The following SARNP variants were observed in gnomAD, a reference collection of about 807,000 sequenced individuals.
The protein encoded by SARNP is SAP domain containing ribonucleoprotein.
A neutral mutation model predicts 38.1 loss-of-function variants in SARNP; 5 were observed. That is an observed-to-expected ratio of 0.13 (90% CI 0.07 to 0.28). The LOEUF is 0.28. Among genes scored for constraint, SARNP ranks in the 10% least tolerant of loss-of-function variants. The pLI, the probability that SARNP is intolerant of heterozygous loss-of-function variation, is 1.00. For missense variants in SARNP, 180 were observed against 243.9 expected (o/e 0.74, Z 1.75); for synonymous variants, 84 against 80.6 (o/e 1.04, Z -0.23).
chr12:55,770,559 T>C (rs1878977669), intron 9 of SARNP, among the ~76,000 whole-genome samples: 1 of 152,022 alleles, frequency 6.6e-6, no homozygotes, highest in Non-Finnish European at 1.5e-5. Flanking sequence ...AATTTTAAAT[T>C]AAGGGTTCTT....
At chr12:55,793,819 G>C (rs1363480410) in intron 7 of SARNP, 1 of 152,518 alleles carries the variant, frequency 6.6e-6, no homozygotes, top group African/African-American at 2.4e-5. Flanking sequence ...TATTATTTCA[G>C]CACAGTAGTC....
chr12:55,774,357 G>A (rs556823963), intron 9 of SARNP, among the ~76,000 whole-genome samples: 2 of 151,754 alleles, frequency 1.3e-5, no homozygotes, highest in South Asian at 2.1e-4. Context: ...GCATGGGTAC[G>A]ATATGCAAAT....
chr12:55,769,752 A>G (rs987837724), intron 9 of SARNP, among the ~76,000 whole-genome samples: 1 of 152,252 alleles, frequency 6.6e-6, no homozygotes, highest in Non-Finnish European at 1.5e-5. Flanking sequence ...CACTCTGTTC[A>G]CTTTCGGTAT....
chr12:55,763,967 G>C (rs897631732), intron 9 of SARNP, among the ~76,000 whole-genome samples: 2 of 152,156 alleles, frequency 1.3e-5, no homozygotes, highest in Non-Finnish European at 2.9e-5. Flanking sequence ...TGGAAGAACA[G>C]TAGGACAATT....
intron 5 of SARNP, among the ~76,000 whole-genome samples, chr12:55,795,521 C>T (rs1879795587): frequency 6.6e-6 from 1 of 152,106 alleles, no homozygotes; most frequent in African/African-American, 2.4e-5. Context: ...AGCTTGGTTC[C>T]AACACCAATG....
At chr12:55,816,251 T>G (rs1880480500) in intron 1 of SARNP, among the ~76,000 whole-genome samples, 1 of 152,222 alleles carries the variant, frequency 6.6e-6, no homozygotes, top group African/African-American at 2.4e-5. Flanking sequence ...TATAGTTCCT[T>G]TTTATCTCAT....
intron 9 of SARNP, among the ~76,000 whole-genome samples, chr12:55,783,926 T>TA: frequency 6.6e-6 from 1 of 151,572 alleles, no homozygotes; most frequent in East Asian, 1.9e-4. Context: ...ATCCTATCTC[T>TA]AAAAAAAAGA....
intron 9 of SARNP, among the ~76,000 whole-genome samples, chr12:55,762,357 G>T: frequency 6.6e-6 from 1 of 150,546 alleles, no homozygotes; most frequent in African/African-American, 2.5e-5. Flanking sequence ...CCAGGCTGGA[G>T]TGCAGTGGCA....
chr12:55,787,183 G>C lies in SARNP; in HGVS notation c.501+1892C>G, dbSNP rs528315101. Among the ~76,000 whole-genome samples the C allele has an allele frequency of 2.0e-5, 3 of 148,570 alleles. No individual in the cohort carries two copies. The South Asian group carries it at 6.3e-4, about 31-fold the overall frequency. On this transcript the variant is annotated intron_variant, in intron 9 of 10. Coordinates refer to ENST00000336133, the MANE Select transcript of SARNP (RefSeq NM_033082.4). ...GGAAATGGAGGCTGCAATGAGCTGT[G>C]ATCATGCTACTGCTCTGCAGCCTGG...
At chr12:55,810,775 T>A (rs1023563760) in intron 1 of SARNP, among the ~76,000 whole-genome samples, 9 of 151,164 alleles carry the variant, frequency 6.0e-5, no homozygotes, top group Admixed American at 2.6e-4. Context: ...AAATATTTTA[T>A]CAGAAATCTT....
intron 9 of SARNP, among the ~76,000 whole-genome samples, chr12:55,777,165 A>T (rs1020988056): frequency 4.8e-4 from 73 of 152,216 alleles, no homozygotes; most frequent in African/African-American, 1.5e-3. Flanking sequence ...TGCAAATTCA[A>T]TGAATGAAAT....
chr12:55,765,644 T>C (rs187357776), intron 9 of SARNP, among the ~76,000 whole-genome samples: 1 of 152,096 alleles, frequency 6.6e-6, no homozygotes, highest in African/African-American at 2.4e-5. Context: ...ACACCCAGCC[T>C]AGCTTCCCTT....
intron 9 of SARNP, among the ~76,000 whole-genome samples, chr12:55,769,726 G>A (rs1878950101): frequency 6.6e-6 from 1 of 152,166 alleles, no homozygotes; most frequent in South Asian, 2.1e-4. Context: ...AACTATACTT[G>A]ACGTATCCAT....
intron 4 of SARNP, among the ~76,000 whole-genome samples, chr12:55,797,998 G>A (rs987090153): frequency 2.0e-5 from 3 of 152,062 alleles, no homozygotes; most frequent in Non-Finnish European, 2.9e-5. Flanking sequence ...TCAAACTTTC[G>A]AACCTCTATT....
intron 7 of SARNP, chr12:55,793,313 C>A (rs145988894): frequency 6.6e-6 from 1 of 152,088 alleles, no homozygotes; most frequent in Non-Finnish European, 1.5e-5. Context: ...TAATTCATTA[C>A]AAAAGTGATA....
At chr12:55,755,869 T>G (rs1161765789), downstream of SARNP, 1 of 152,020 alleles carries the variant, frequency 6.6e-6, no homozygotes, top group Non-Finnish European at 1.5e-5. Flanking sequence ...GGAGAATAAT[T>G]AGGCTTCAAG....
At chr12:55,813,837 C>G (rs1024388143) in intron 1 of SARNP, among the ~76,000 whole-genome samples, 1 of 152,188 alleles carries the variant, frequency 6.6e-6, no homozygotes, top group Non-Finnish European at 1.5e-5. Context: ...AGCCACTGCA[C>G]CCAGCCTGCT....
At chr12:55,778,148 T>A (rs1169006081) in intron 9 of SARNP, among the ~76,000 whole-genome samples, 7 of 152,112 alleles carry the variant, frequency 4.6e-5, no homozygotes, top group Non-Finnish European at 8.8e-5. Context: ...CTCTTTTTTT[T>A]AATTATTATT....
At chr12:55,779,706 T>C (rs1422417968) in intron 9 of SARNP, among the ~76,000 whole-genome samples, 2 of 152,116 alleles carry the variant, frequency 1.3e-5, no homozygotes, top group South Asian at 2.1e-4. Context: ...AACTTCTAAA[T>C]CCATAGTACA....
Sources: allele counts gnomAD v4.1 joint callset (sites outside exome capture counted in the v4.1 genomes callset), GRCh38; gene constraint gnomAD v4.1.1; transcripts MANE v1.5; gene names NCBI Gene and HGNC (gene_info 2026-07-23, HGNC 2026-07-21).